The following TMEM175 variants were observed in gnomAD, a reference collection of about 807,000 sequenced individuals.
TMEM175 encodes endosomal/lysosomal proton channel TMEM175.
TMEM175 carries 36 observed loss-of-function variants against 36.5 expected under a neutral mutation model. The observed-to-expected ratio is 0.99, with a 90% CI of 0.76 to 1.30. TMEM175 has a LOEUF of 1.30. TMEM175 is among the 50% of genes most tolerant of loss of function. The pLI is 0.00. For missense variants in TMEM175, 705 were observed against 692.8 expected (o/e 1.02, Z -0.20); for synonymous variants, 339 against 313.4 (o/e 1.08, Z -0.86).
chr4:957,898 C>A lies in TMEM175; in HGVS notation c.917C>A (p.Thr306Asn). The A allele has an allele frequency of 1.2e-6, 2 of 1,612,828 alleles. No homozygotes were observed. The highest frequency in any genetic ancestry group is 1.7e-6 in the Non-Finnish European group (2 of 1,179,960). Residue 306 changes from threonine to asparagine, a missense_variant, in exon 11 of 11, where the codon ACC becomes AAC. Physicochemically the swap from Thr to Asn is moderately conservative, Grantham distance 65. Coordinates refer to ENST00000264771, the MANE Select transcript of TMEM175 (RefSeq NM_032326.4). ...AGCCTCGTGGCCGCCCTGAGTGCGA[C>A]CGGGCCGCGCTTCCTGGCGTACTTC... Reference protein sequence around the residue: ...SGSLVAALSATGPRFLAYFGS... With the variant: ...SGSLVAALSANGPRFLAYFGS...
At chr4:936,807 A>T (rs561075288) in intron 1 of TMEM175, among the ~76,000 whole-genome samples, 1 of 152,122 alleles carries the variant, frequency 6.6e-6, no homozygotes, top group African/African-American at 2.4e-5. Context: ...AGATACAAAA[A>T]TTAGCTGCGC....
rs777255225 is a variant in TMEM175 at position 951,244 on chromosome 4, G to T, written c.328G>T (p.Ala110Ser). The stretch of plus-strand genomic sequence containing the variant: ...TGTTGGGAAAACAGACGACACACTT[G>T]CCCTGCTCAACCTGGTGAGTATTTT... ...QVVGKTDDTL[A>S]LLNLACMMTI... The change falls in exon 5 of 11, where the codon GCC becomes TCC. Residue 110 changes from alanine to serine, a missense_variant. Coordinates refer to ENST00000264771, the MANE Select transcript of TMEM175 (RefSeq NM_032326.4). 1.2e-5 allele frequency: 19 copies of T among 1,613,992 alleles called. No individual in the cohort carries two copies. The highest frequency in any genetic ancestry group is 1.4e-5 in the Non-Finnish European group (17 of 1,180,006).
At chr4:953,043 C>G in intron 7 of TMEM175, 147 bp from the exon 8 acceptor site, 2 of 769,996 alleles carry the variant, frequency 2.6e-6, no homozygotes, top group Non-Finnish European at 4.0e-6. Context: ...CCCCAAGACC[C>G]CTGTGCGCGC....
intron 6 of TMEM175, 140 bp downstream of exon 6, chr4:951,857 C>A: frequency 1.1e-6 from 1 of 952,056 alleles, no homozygotes; most frequent in Non-Finnish European, 1.6e-6. Context: ...CTGGGGAGAG[C>A]CAGCTGTTGG....
At chr4:940,838 T>A (rs1298449131) in intron 1 of TMEM175, among the ~76,000 whole-genome samples, 2 of 151,136 alleles carry the variant, frequency 1.3e-5, no homozygotes, top group African/African-American at 4.9e-5. Context: ...AAACTCCATC[T>A]TTACTAAAAA....
chr4:947,693 C>A lies in TMEM175; in HGVS notation c.-31-16C>A. On this transcript the variant is annotated splice_polypyrimidine_tract_variant and intron_variant, in intron 1 of 10. Transcript: ENST00000264771. ...GAGCGCCCCACAGGCACACTCAGAC[C>A]TGCCTTTCCTCCCAGGCTCCTGTAA... is the stretch of plus-strand genomic sequence containing the variant. 3 of 1,564,288 alleles carry A rather than the reference C, an allele frequency of 1.9e-6. No homozygotes were observed. Among genetic ancestry groups the A allele is most frequent in the East Asian group, 2.2e-5 (1 of 44,540 alleles).
chr4:956,683 A>C (rs935220957), intron 10 of TMEM175: 20 of 350,466 alleles, frequency 5.7e-5, no homozygotes, highest in African/African-American at 3.9e-4. Flanking sequence ...ACCTCAGGTG[A>C]TCTGCCCACC....
At chr4:953,468 T>G (rs1011113156) in intron 8 of TMEM175, 114 bp downstream of exon 8, 2 of 1,313,852 alleles carry the variant, frequency 1.5e-6, no homozygotes, top group Non-Finnish European at 2.0e-6. Context: ...CAGGCAGGGG[T>G]TCCACCCAGG....
chr4:944,978 C>T (rs1261613423), intron 1 of TMEM175, among the ~76,000 whole-genome samples: 2 of 152,142 alleles, frequency 1.3e-5, no homozygotes, highest in Non-Finnish European at 2.9e-5. Flanking sequence ...TGGTGCACGC[C>T]TGTAGTCCCA....
At position 956,443 on chromosome 4, in the gene TMEM175, G is replaced by GTTTTT. The variant is rs748261443; in HGVS notation, c.842+568_842+572dup. The GTTTTT allele has an allele frequency of 4.8e-5, 58 of 1,210,530 alleles. No homozygotes were observed. The East Asian group carries it at 5.3e-4, about 11-fold the overall frequency. The allele number at this position is 1,210,530 out of a possible 1,614,324, so 75.0% of individuals were successfully genotyped here. A position where few individuals can be genotyped will look rare whatever the true frequency, so the allele number is the denominator to read the frequency against. On this transcript the variant is annotated intron_variant, in intron 10 of 10. Transcript: ENST00000264771. ...TCGTCACGTTTTTGGTTTTTGTGGG[G>GTTTTT]TTTTTTTTTTTTTTTTTTTGAGACA...
At position 958,241 on chromosome 4, in the gene TMEM175, C is replaced by T. The variant is rs748945364; in HGVS notation, c.1260C>T (p.Phe420=). 31 of 1,604,308 alleles carry T rather than the reference C, an allele frequency of 1.9e-5. No homozygotes were observed. The highest frequency in any genetic ancestry group is 1.6e-4 in the Middle Eastern group (1 of 6,070). ...GCGGCCGGGAGCATGTGCTCATGTT[C>T]GCCAAGCTGGCGCTGTACCCCTGTG... The part of the protein sequence containing the change: ...WFGGREHVLM[F]AKLALYPCAS... The change falls in exon 11 of 11, where the codon TTC becomes TTT. Residue 420 remains phenylalanine, a synonymous_variant. Coordinates refer to ENST00000264771, the MANE Select transcript of TMEM175 (RefSeq NM_032326.4).
intron 3 of TMEM175, among the ~76,000 whole-genome samples, chr4:948,862 T>TG (rs1728519174): frequency 6.6e-6 from 1 of 152,148 alleles, no homozygotes; most frequent in Non-Finnish European, 1.5e-5. Flanking sequence ...GAGCTGAGCC[T>TG]GGGGGACGCC....
chr4:934,179 G>C (rs1726525892), intron 1 of TMEM175, among the ~76,000 whole-genome samples: 1 of 152,274 alleles, frequency 6.6e-6, no homozygotes, highest in Admixed American at 6.5e-5. Context: ...ATCCCTGCTA[G>C]AGACAGATAT....
At chr4:942,428 C>G (rs1330439384) in intron 1 of TMEM175, among the ~76,000 whole-genome samples, 1 of 152,146 alleles carries the variant, frequency 6.6e-6, no homozygotes, top group African/African-American at 2.4e-5. Context: ...AAAGACTTTT[C>G]TTTTCCCATC....
In TMEM175 at chr4:952,923, C is replaced by A. The variant is rs184121575; in HGVS notation, c.463-267C>A. On this transcript the variant is annotated intron_variant, in intron 7 of 10. Coordinates refer to ENST00000264771, the MANE Select transcript of TMEM175 (RefSeq NM_032326.4). ...GGGAAGAGTGGGCCCTGAGACCCCCCACATGCGGCCCCAGGAGCCAGCAGG... is the reference window on the plus strand; with the variant it reads ...GGGAAGAGTGGGCCCTGAGACCCCCAACATGCGGCCCCAGGAGCCAGCAGG... Among the ~76,000 whole-genome samples, 12 of 152,172 alleles carry A rather than the reference C, an allele frequency of 7.9e-5. No individual in the cohort carries two copies. The South Asian group carries it at 2.1e-3, about 26-fold the overall frequency.
intron 1 of TMEM175, among the ~76,000 whole-genome samples, chr4:936,953 C>G (rs1184600830): frequency 6.7e-6 from 1 of 149,988 alleles, no homozygotes; most frequent in African/African-American, 2.5e-5. Flanking sequence ...AGGACTCTGT[C>G]TCAAAAAAAA....
At position 953,321 on chromosome 4, in the gene TMEM175, A is replaced by G. The variant is rs1301901057; in HGVS notation, c.594A>G (p.Ala198=). The change falls in exon 8 of 11, where the codon GCA becomes GCG. Residue 198 remains alanine, a synonymous_variant. Transcript: ENST00000264771. ...TCCAAGGCCCGGCCCTGTGCTTTGCAGCGGCCATCTTCTCTCTCTTCTTTG... is the reference window on the plus strand; with the variant it reads ...TCCAAGGCCCGGCCCTGTGCTTTGCGGCGGCCATCTTCTCTCTCTTCTTTG... ...IVLQGPALCF[A]AAIFSLFFVP... 1 of 1,613,696 alleles carries G rather than the reference A, an allele frequency of 6.2e-7. No individual in the cohort carries two copies. The highest frequency in any genetic ancestry group is 8.5e-7 in the Non-Finnish European group (1 of 1,179,784).
In TMEM175 at chr4:955,408, T is replaced by G; in HGVS notation, c.631T>G (p.Tyr211Asp). The change falls in exon 9 of 11, where the codon TAC (tyrosine) becomes GAC (aspartate). Residue 211 changes from tyrosine to aspartate, a missense_variant. Tyr to Asp is a radical substitution (Grantham distance 160). Coordinates refer to ENST00000264771, the MANE Select transcript of TMEM175 (RefSeq NM_032326.4). ...CCTGCGGTTTGTCTCCCTGCAGTCT[T>G]ACCTGCTGATGGTGACTGTCATCCT... ...IFSLFFVPLS[Y>D]LLMVTVILLP... 1 of 1,614,046 alleles carries G rather than the reference T, an allele frequency of 6.2e-7. No homozygotes were observed. Among genetic ancestry groups the G allele is most frequent in the Non-Finnish European group, 8.5e-7 (1 of 1,179,926 alleles).
intron 8 of TMEM175, among the ~76,000 whole-genome samples, chr4:954,152 C>G (rs941609239): frequency 3.9e-5 from 6 of 152,044 alleles, no homozygotes; most frequent in Non-Finnish European, 7.4e-5. Flanking sequence ...CCACCCTCAG[C>G]TAAGTTTTGT....
Sources: allele counts gnomAD v4.1 joint callset (sites outside exome capture counted in the v4.1 genomes callset), GRCh38; gene constraint gnomAD v4.1.1; transcripts MANE v1.5; gene names NCBI Gene and HGNC (gene_info 2026-07-23, HGNC 2026-07-21).